Variants in GLI3 observed in about 807,000 individuals in gnomAD.
GLI3 encodes the protein GLI family zinc finger 3.
Under a neutral mutation model 100.8 loss-of-function variants are expected in GLI3, and 20 were observed. The ratio of observed to expected loss-of-function variants is 0.20; its 90% CI spans 0.14 to 0.29. The LOEUF (loss-of-function observed/expected upper bound fraction) is 0.29, where lower values mean the gene tolerates loss of function less well. Among genes scored for constraint, GLI3 ranks in the 10% least tolerant of loss-of-function variants. The pLI, the probability that GLI3 is intolerant of heterozygous loss-of-function variation, is 1.00. For missense variants in GLI3, 2,040 were observed against 2,128.5 expected (o/e 0.96, Z 0.82); for synonymous variants, 938 against 860.5 (o/e 1.09, Z -1.58).
intron 3 of GLI3, chr7:42,113,342 G>A (rs1324217848): frequency 2.5e-5 from 16 of 641,490 alleles, no homozygotes; most frequent in African/African-American, 1.3e-4. Flanking sequence ...CAGCACCTAC[G>A]TCCCGTCGCT....
intron 1 of GLI3, among the ~76,000 whole-genome samples, chr7:42,234,684 ATATCTT>A (rs948438825): frequency 4.6e-5 from 7 of 152,102 alleles, no homozygotes; most frequent in African/African-American, 1.7e-4. Flanking sequence ...AATACAATCT[ATATCTT>A]TAAAGTGTTT....
chr7:42,072,841 C>G (rs1482742296), intron 4 of GLI3, among the ~76,000 whole-genome samples: 1 of 152,130 alleles, frequency 6.6e-6, no homozygotes, highest in Non-Finnish European at 1.5e-5. Context: ...TAGACTCACT[C>G]TGATATTTTT....
intron 4 of GLI3, among the ~76,000 whole-genome samples, chr7:42,066,315 G>A (rs1351264972): frequency 1.3e-5 from 2 of 152,034 alleles, no homozygotes; most frequent in African/African-American, 4.8e-5. Context: ...GGGGAAGGGG[G>A]TGGACTCTAC....
At chr7:42,062,101 T>G (rs1474113587) in intron 4 of GLI3, among the ~76,000 whole-genome samples, 1 of 152,168 alleles carries the variant, frequency 6.6e-6, no homozygotes, top group Non-Finnish European at 1.5e-5. Context: ...AGGACCATGG[T>G]CTTATCAAAA....
At position 42,262,103 on chromosome 7, in the gene GLI3, G is replaced by A. The variant is rs762360473; in HGVS notation, c.-43+1891C>T. 5.4e-5 allele frequency among the ~76,000 whole-genome samples: 8 copies of A among 148,800 alleles called. No individual in the cohort carries two copies. The South Asian group carries it at 1.5e-3, about 28-fold the overall frequency. On this transcript the variant is annotated intron_variant, in intron 1 of 2. Coordinates refer to the GLI3 transcript ENST00000678978. ...TTCTTTTTCTCACTCTCTCAGCCAG[G>A]CTGGAGCGCAGAGGTGCAAACACGG...
At chr7:42,195,530 T>C (rs1787911804) in intron 2 of GLI3, among the ~76,000 whole-genome samples, 1 of 152,226 alleles carries the variant, frequency 6.6e-6, no homozygotes, top group African/African-American at 2.4e-5. Flanking sequence ...AGTTTCAGCT[T>C]GCATACCTCT....
In GLI3 at chr7:41,972,694, C is replaced by T; in HGVS notation, c.1813-67G>A. ...AGAGACTATGCCCCAGCCCAAAAGTCCTTTATGGTTGCTCATTACATTTTT... is the reference window on the plus strand; with the variant it reads ...AGAGACTATGCCCCAGCCCAAAAGTTCTTTATGGTTGCTCATTACATTTTT... On this transcript the variant is annotated intron_variant, in intron 12 of 14. Transcript: ENST00000395925. This position sits in a 1 kb window ranked among gnomAD's most constrained non-coding sequence, Gnocchi z 4.4. The T allele has an allele frequency of 7.5e-7, 1 of 1,331,184 alleles. No homozygotes were observed. Among genetic ancestry groups the T allele is most frequent in the South Asian group, 1.2e-5 (1 of 83,006 alleles). 82.5% of individuals were successfully genotyped at this position (1,331,184 alleles called of 1,614,324 possible). A position where few individuals can be genotyped will look rare whatever the true frequency, so the allele number is the denominator to read the frequency against.
intron 2 of GLI3, among the ~76,000 whole-genome samples, chr7:42,201,209 T>G (rs1788032141): frequency 8.9e-6 from 1 of 111,894 alleles, no homozygotes; most frequent in South Asian, 2.8e-4. Flanking sequence ...GTGATATATC[T>G]CTCTCTCTCT....
At chr7:42,184,654 A>T (rs1787683612) in intron 2 of GLI3, among the ~76,000 whole-genome samples, 1 of 152,194 alleles carries the variant, frequency 6.6e-6, no homozygotes, top group African/African-American at 2.4e-5. Context: ...TGCCCAACCC[A>T]GAGACACAGA....
intron 2 of GLI3, among the ~76,000 whole-genome samples, chr7:42,178,865 A>G (rs1787534398): frequency 6.6e-6 from 1 of 152,206 alleles, no homozygotes; most frequent in Admixed American, 6.5e-5. Context: ...TGGATCACAC[A>G]AAAAATGGAC....
At chr7:42,146,330 G>T (rs1226753229) in intron 3 of GLI3, among the ~76,000 whole-genome samples, 1 of 152,146 alleles carries the variant, frequency 6.6e-6, no homozygotes, top group Non-Finnish European at 1.5e-5. Context: ...CAGGAGATGG[G>T]TCCCACTTGC....
intron 2 of GLI3, among the ~76,000 whole-genome samples, chr7:42,184,679 C>T (rs570981299): frequency 6.6e-6 from 1 of 152,312 alleles, no homozygotes; most frequent in East Asian, 1.9e-4. Context: ...CTTTAGCGCT[C>T]AGCCCATGCA....
At chr7:42,059,604 C>T (rs148702336) in intron 4 of GLI3, among the ~76,000 whole-genome samples, 32 of 152,302 alleles carry the variant, frequency 2.1e-4, no homozygotes, top group East Asian at 3.9e-4. Flanking sequence ...AAACAGCTGT[C>T]GCTGTCAAAA....
chr7:41,995,429 T>C (rs985072797), intron 10 of GLI3, among the ~76,000 whole-genome samples: 1 of 152,150 alleles, frequency 6.6e-6, no homozygotes, highest in Admixed American at 6.5e-5. Flanking sequence ...GATGTCTTTC[T>C]ACTTGGCTGC....
intron 10 of GLI3, among the ~76,000 whole-genome samples, chr7:41,986,878 A>C (rs1257036531): frequency 6.6e-6 from 1 of 150,658 alleles, no homozygotes; most frequent in African/African-American, 2.5e-5. Context: ...TCCAAAGAAA[A>C]ACTCACAAAA....
intron 1 of GLI3, among the ~76,000 whole-genome samples, chr7:42,248,311 C>T (rs1250594180): frequency 1.3e-5 from 2 of 152,142 alleles, no homozygotes; most frequent in Non-Finnish European, 2.9e-5. Flanking sequence ...GAGATACTGA[C>T]TAAGAATCTG....
At chr7:41,989,789 T>C (rs939334566) in intron 10 of GLI3, among the ~76,000 whole-genome samples, 1 of 151,894 alleles carries the variant, frequency 6.6e-6, no homozygotes, top group Non-Finnish European at 1.5e-5. Flanking sequence ...TCCCAATACT[T>C]TAGGAGGCTG....
chr7:42,227,162 C>T (rs931253532), intron 1 of GLI3, among the ~76,000 whole-genome samples: 2 of 152,028 alleles, frequency 1.3e-5, no homozygotes, highest in Non-Finnish European at 1.5e-5. Context: ...GATACTTTTT[C>T]CCCCGACATA....
At chr7:42,043,097 T>C (rs923268136) in intron 6 of GLI3, among the ~76,000 whole-genome samples, 5 of 152,168 alleles carry the variant, frequency 3.3e-5, no homozygotes, top group Admixed American at 6.5e-5. Flanking sequence ...TAACAAGGGA[T>C]GAAGAGTGAC....
Sources: allele counts gnomAD v4.1 joint callset (sites outside exome capture counted in the v4.1 genomes callset), GRCh38; gene constraint gnomAD v4.1.1; non-coding constraint Gnocchi (gnomAD v3.1); transcripts MANE v1.5; gene names NCBI Gene and HGNC (gene_info 2026-07-23, HGNC 2026-07-21).